CACNB4: variants seen among roughly 807,000 people sequenced by gnomAD.
CACNB4 encodes voltage-dependent L-type calcium channel subunit beta-4.
CACNB4 carries 32 observed loss-of-function variants against 71.2 expected under a neutral mutation model. The observed-to-expected ratio is 0.45, with a 90% CI of 0.34 to 0.60. The LOEUF (loss-of-function observed/expected upper bound fraction) is 0.60, where lower values mean the gene tolerates loss of function less well. Among genes scored for constraint, CACNB4 ranks in the 20% least tolerant of loss-of-function variants. The pLI is 0.01. For missense variants in CACNB4, 464 were observed against 647.9 expected, an observed-to-expected ratio of 0.72 and a Z score of 3.08; for synonymous variants, 231 against 236.9, an observed-to-expected ratio of 0.97 and a Z score of 0.23.
At chr2:152,009,813 G>A (rs1682957759) in intron 2 of CACNB4, among the ~76,000 whole-genome samples, 1 of 152,178 alleles carries the variant, frequency 6.6e-6, no homozygotes, top group African/African-American at 2.4e-5. Flanking sequence ...CCTCTGCGGG[G>A]ACAGGCCTCT....
intron 2 of CACNB4, among the ~76,000 whole-genome samples, chr2:152,092,892 T>C (rs1270172523): frequency 1.3e-5 from 2 of 152,002 alleles, no homozygotes; most frequent in African/African-American, 2.4e-5. Context: ...GTCTAATTTG[T>C]AAATTAGGCA....
chr2:152,098,394 G>T lies in CACNB4; in HGVS notation c.83C>A (p.Thr28Asn). Reference sequence around the variant, plus strand: ...GGATCTTTTCAACCTGCTCCTCCGGGTTGTGGTGCCTCGGGCCACCTGGAC... The same window carrying T: ...GGATCTTTTCAACCTGCTCCTCCGGTTTGTGGTGCCTCGGGCCACCTGGAC... ...PTSQVARGTT[T>N]RRSRLKRSDG... Residue 28 changes from threonine (T) to asparagine (N), a missense_variant, in exon 2 of 14, where the codon ACC becomes AAC. This residue lies in a region of CACNB4 where 50 missense variants were observed against 47.5 expected (regional missense o/e 1.05). Transcript: ENST00000539935. The surrounding 1 kb of genome is among the most constrained non-coding windows in gnomAD (Gnocchi z 5.3). The T allele has an allele frequency of 6.2e-7, 1 of 1,613,610 alleles. No individual in the cohort carries two copies. Among genetic ancestry groups the T allele is most frequent in the South Asian group, 1.1e-5 (1 of 91,090 alleles).
intron 2 of CACNB4, among the ~76,000 whole-genome samples, chr2:151,908,492 A>C (rs1027251404): frequency 2.0e-5 from 3 of 152,098 alleles, no homozygotes; most frequent in Non-Finnish European, 4.4e-5. Context: ...GGCATTGTCA[A>C]CCCTGCTTGG....
intron 2 of CACNB4, among the ~76,000 whole-genome samples, chr2:152,041,974 G>A (rs983167546): frequency 6.6e-6 from 1 of 152,174 alleles, no homozygotes; most frequent in Non-Finnish European, 1.5e-5. Flanking sequence ...CATAGGAGGT[G>A]TTCAATAAAT....
intron 2 of CACNB4, among the ~76,000 whole-genome samples, chr2:151,933,728 C>G (rs1049736442): frequency 6.6e-6 from 1 of 152,110 alleles, no homozygotes; most frequent in African/African-American, 2.4e-5. Flanking sequence ...TCAAGTTGTA[C>G]TGGCACTTGA....
chr2:152,077,590 C>T (rs1355987199), intron 2 of CACNB4, among the ~76,000 whole-genome samples: 3 of 151,800 alleles, frequency 2.0e-5, no homozygotes, highest in East Asian at 1.9e-4. Flanking sequence ...ATGAGTCACA[C>T]GTGGTGGTGC....
chr2:152,025,803 T>C (rs1193437488), intron 2 of CACNB4, among the ~76,000 whole-genome samples: 2 of 152,242 alleles, frequency 1.3e-5, no homozygotes, highest in African/African-American at 2.4e-5. Flanking sequence ...TTCAGCGTTG[T>C]CTCAGAAGTC....
chr2:152,041,963 A>C (rs1030653705), intron 2 of CACNB4, among the ~76,000 whole-genome samples: 5 of 152,198 alleles, frequency 3.3e-5, no homozygotes, highest in African/African-American at 1.2e-4. Flanking sequence ...AATGCCCAGC[A>C]CATAGGAGGT....
intron 2 of CACNB4, among the ~76,000 whole-genome samples, chr2:152,060,925 AT>A (rs1486664860): frequency 6.6e-6 from 1 of 152,276 alleles, no homozygotes; most frequent in South Asian, 2.1e-4. Context: ...ATGTTAATAT[AT>A]AGCAGTTGCC....
intron 2 of CACNB4, among the ~76,000 whole-genome samples, chr2:151,925,526 A>G (rs1049248640): frequency 6.6e-6 from 1 of 152,224 alleles, no homozygotes; most frequent in Non-Finnish European, 1.5e-5. Flanking sequence ...ATAGGAAAAC[A>G]TCTATCATTT....
chr2:152,093,215 T>G (rs967460338), intron 2 of CACNB4, among the ~76,000 whole-genome samples: 1 of 152,216 alleles, frequency 6.6e-6, no homozygotes, highest in African/African-American at 2.4e-5. Flanking sequence ...GGGAGCTGCC[T>G]TCTCTTCTTT....
At chr2:151,980,615 C>A (rs746787310) in intron 2 of CACNB4, among the ~76,000 whole-genome samples, 1 of 152,208 alleles carries the variant, frequency 6.6e-6, no homozygotes, top group South Asian at 2.1e-4. Context: ...TGGCCCTGAG[C>A]TCCTTGGCTA....
At chr2:151,854,111 C>G (rs1372067290) in intron 11 of CACNB4, 2 of 152,594 alleles carry the variant, frequency 1.3e-5, no homozygotes, top group Non-Finnish European at 2.9e-5. Flanking sequence ...TGCATTTGGT[C>G]ATATACTGCC....
At chr2:151,964,420 TG>T (rs1262815805) in intron 2 of CACNB4, among the ~76,000 whole-genome samples, 1 of 152,174 alleles carries the variant, frequency 6.6e-6, no homozygotes, top group South Asian at 2.1e-4. Context: ...TGGCTACCAG[TG>T]GGGAGGACAG....
chr2:151,853,143 T>C lies in CACNB4; in HGVS notation c.1116+305A>G, dbSNP rs544809434. On this transcript the variant is annotated intron_variant, in intron 12 of 13. Transcript: ENST00000539935. ...TTTTCTTTTGTTCTTTTCTTAAGCGTATCCATGTGACTGGAGGCTGAATGC... is the reference window on the plus strand; with the variant it reads ...TTTTCTTTTGTTCTTTTCTTAAGCGCATCCATGTGACTGGAGGCTGAATGC... 22 of 275,306 alleles carry C rather than the reference T, an allele frequency of 8.0e-5. No individual in the cohort carries two copies. In the East Asian group the frequency reaches 1.6e-3, roughly 20 times the overall value. 17.1% of individuals were successfully genotyped at this position (275,306 alleles called of 1,614,324 possible). A position where few individuals can be genotyped will look rare whatever the true frequency, so the allele number is the denominator to read the frequency against.
intron 2 of CACNB4, among the ~76,000 whole-genome samples, chr2:152,017,595 C>T (rs1683417238): frequency 6.6e-6 from 1 of 151,826 alleles, no homozygotes; most frequent in Non-Finnish European, 1.5e-5. Flanking sequence ...GTAGTCCCAG[C>T]TACTTGGGAG....
Position 152,076,337 on chromosome 2 carries a change from A to AT in CACNB4, c.147+21992dup, listed in dbSNP as rs1687020409. Among the ~76,000 whole-genome samples the AT allele has an allele frequency of 1.1e-4, 10 of 89,378 alleles. No individual in the cohort carries two copies. In the South Asian group the frequency reaches 2.0e-3, roughly 18 times the overall value. 58.6% of individuals were successfully genotyped at this position (89,378 alleles called of 152,430 possible). A position where few individuals can be genotyped will look rare whatever the true frequency, so the allele number is the denominator to read the frequency against. ...TTTGGGTTTTTTTTTTTTTTTTTGTATTTTTTTGTAGAGATGGGGTTTCAC... is the reference window on the plus strand; with the variant it reads ...TTTGGGTTTTTTTTTTTTTTTTTGTATTTTTTTTGTAGAGATGGGGTTTCAC... On this transcript the variant is annotated intron_variant, in intron 2 of 13. Transcript: ENST00000539935.
intron 2 of CACNB4, among the ~76,000 whole-genome samples, chr2:152,078,304 C>T (rs1377080830): frequency 6.6e-6 from 1 of 152,088 alleles, no homozygotes; most frequent in South Asian, 2.1e-4. Context: ...ACTGGGAGGG[C>T]GGTCCACACA....
intron 4 of CACNB4, among the ~76,000 whole-genome samples, chr2:151,879,121 G>T: frequency 6.6e-6 from 1 of 152,132 alleles, no homozygotes. Flanking sequence ...AAATTTTACT[G>T]TGTTGAGGAC....
Sources: gnomAD v4.1 joint callset for allele counts (sites outside exome capture counted in the v4.1 genomes callset) on GRCh38, gnomAD v4.1.1 for gene constraint, gnomAD v4.1.1 regional missense constraint, Gnocchi (gnomAD v3.1) non-coding constraint, MANE v1.5 for transcripts, NCBI Gene and HGNC (gene_info 2026-07-23, HGNC 2026-07-21) for gene names.